FARS2: variants seen among roughly 807,000 people sequenced by gnomAD.
FARS2 encodes phenylalanine--tRNA ligase, mitochondrial.
A neutral mutation model predicts 46.4 loss-of-function variants in FARS2; 40 were observed. The observed-to-expected ratio is 0.86, with a 90% confidence interval of 0.67 to 1.12. The LOEUF (loss-of-function observed/expected upper bound fraction) is 1.12. Among genes scored for constraint, FARS2 ranks in the 50% most tolerant of loss-of-function variants. FARS2 has a pLI of 0.00. For missense variants in FARS2, 513 were observed against 567.9 expected (o/e 0.90, Z 0.98); for synonymous variants, 234 against 214.9 (o/e 1.09, Z -0.78).
intron 1 of FARS2, among the ~76,000 whole-genome samples, chr6:5,323,663 T>C (rs1287354018): frequency 6.6e-6 from 1 of 152,212 alleles, no homozygotes; most frequent in Non-Finnish European, 1.5e-5. Context: ...GCGGAAGGAC[T>C]CATTCCTGCT....
At chr6:5,336,658 A>G (rs569729553) in intron 1 of FARS2, among the ~76,000 whole-genome samples, 1 of 152,268 alleles carries the variant, frequency 6.6e-6, no homozygotes, top group South Asian at 2.1e-4. Flanking sequence ...AAACAATCCA[A>G]TTACACCCTT....
intron 3 of FARS2, among the ~76,000 whole-genome samples, chr6:5,429,687 T>G (rs1763053026): frequency 6.6e-6 from 1 of 152,048 alleles, no homozygotes; most frequent in African/African-American, 2.4e-5. Flanking sequence ...GACGCGTGCT[T>G]GTAGTCCCAG....
chr6:5,673,443 G>A (rs1778585445), intron 6 of FARS2, among the ~76,000 whole-genome samples: 1 of 152,192 alleles, frequency 6.6e-6, no homozygotes, highest in African/African-American at 2.4e-5. Context: ...CCATCCTGGT[G>A]CAAGTATCTG....
rs374689176 is a variant in FARS2, at chr6:5,750,996, C to T, written c.1218-20295C>T. 4.6e-5 allele frequency among the ~76,000 whole-genome samples: 7 copies of T among 152,028 alleles called. No homozygotes were observed. In the East Asian group the frequency reaches 9.7e-4, roughly 21 times the overall value. ...CATTTTCCCATGCTAAGGTGAACTT[C>T]GTAAATATAATAAGTTAGGCGGGTT... is the stretch of plus-strand genomic sequence containing the variant. On this transcript the variant is annotated intron_variant, in intron 6 of 6. Coordinates refer to ENST00000274680, the MANE Select transcript of FARS2 (RefSeq NM_006567.5).
At chr6:5,439,555 T>C (rs908816377) in intron 4 of FARS2, among the ~76,000 whole-genome samples, 1 of 152,352 alleles carries the variant, frequency 6.6e-6, no homozygotes, top group African/African-American at 2.4e-5. Context: ...CTCTGTTAGT[T>C]GTTTAGAGAT....
chr6:5,665,805 G>A (rs1778085399), intron 6 of FARS2, among the ~76,000 whole-genome samples: 1 of 152,182 alleles, frequency 6.6e-6, no homozygotes, highest in East Asian at 1.9e-4. Flanking sequence ...ACCCTGGAAG[G>A]ACTCAAATTG....
At chr6:5,541,914 G>T (rs902823468) in intron 4 of FARS2, among the ~76,000 whole-genome samples, 1 of 152,020 alleles carries the variant, frequency 6.6e-6, no homozygotes, top group Non-Finnish European at 1.5e-5. Flanking sequence ...AGAAGTGAGG[G>T]TTCCTCCCCC....
At chr6:5,737,488 G>A (rs966246755) in intron 6 of FARS2, among the ~76,000 whole-genome samples, 2 of 152,236 alleles carry the variant, frequency 1.3e-5, no homozygotes, top group East Asian at 1.9e-4. Context: ...CCAAGATTGT[G>A]CCACTGCAGT....
intron 6 of FARS2, among the ~76,000 whole-genome samples, chr6:5,724,189 G>C (rs979487265): frequency 6.6e-6 from 1 of 152,252 alleles, no homozygotes; most frequent in African/African-American, 2.4e-5. Context: ...TCCTAAGGAA[G>C]GGTTGGCACA....
At chr6:5,319,998 C>G (rs1241099271) in intron 1 of FARS2, among the ~76,000 whole-genome samples, 2 of 152,156 alleles carry the variant, frequency 1.3e-5, no homozygotes, top group Admixed American at 1.3e-4. Flanking sequence ...GGGAAAGAAA[C>G]AAAAAGCAAG....
chr6:5,286,426 C>T (rs1428385540), intron 1 of FARS2, among the ~76,000 whole-genome samples: 1 of 152,110 alleles, frequency 6.6e-6, no homozygotes, highest in Non-Finnish European at 1.5e-5. Context: ...CCATGCCCGG[C>T]TAATTTTTGT....
At chr6:5,545,852 G>T (rs984238158) in intron 5 of FARS2, among the ~76,000 whole-genome samples, 1 of 152,176 alleles carries the variant, frequency 6.6e-6, no homozygotes, top group Middle Eastern at 3.2e-3. Context: ...TTCTGGCCAG[G>T]CATGGTGGCT....
chr6:5,445,979 C>G (rs1384013144), intron 4 of FARS2, among the ~76,000 whole-genome samples: 1 of 152,156 alleles, frequency 6.6e-6, no homozygotes, highest in Non-Finnish European at 1.5e-5. Context: ...GCAGGCAGAT[C>G]ACGAGGTCAG....
chr6:5,586,234 G>C (rs946438128), intron 5 of FARS2, among the ~76,000 whole-genome samples: 2 of 152,070 alleles, frequency 1.3e-5, no homozygotes, highest in African/African-American at 4.8e-5. Flanking sequence ...GCTCTGGCTA[G>C]CACCTCTAGT....
chr6:5,649,033 A>G (rs4960121), intron 6 of FARS2, among the ~76,000 whole-genome samples: 107,913 of 152,152 alleles, frequency 0.71, 39,245 homozygotes, highest in East Asian at 0.98. Context: ...TCATTATTCT[A>G]TTTTGACAGA....
intron 3 of FARS2, among the ~76,000 whole-genome samples, chr6:5,429,686 T>C (rs1444389954): frequency 2.0e-5 from 3 of 152,126 alleles, no homozygotes; most frequent in Non-Finnish European, 4.4e-5. Context: ...TGACGCGTGC[T>C]TGTAGTCCCA....
intron 6 of FARS2, among the ~76,000 whole-genome samples, chr6:5,767,944 A>G (rs1287983179): frequency 6.6e-6 from 1 of 152,124 alleles, no homozygotes; most frequent in East Asian, 1.9e-4. Flanking sequence ...TTGAGGAATC[A>G]ATTTTCTTAT....
intron 4 of FARS2, among the ~76,000 whole-genome samples, chr6:5,433,086 A>C (rs1355889735): frequency 1.3e-5 from 2 of 152,178 alleles, no homozygotes; most frequent in Non-Finnish European, 2.9e-5. Context: ...GAGAGGGAGC[A>C]CAGAGGTTGA....
At chr6:5,571,980 T>G (rs1300001695) in intron 5 of FARS2, among the ~76,000 whole-genome samples, 1 of 152,206 alleles carries the variant, frequency 6.6e-6, no homozygotes. Flanking sequence ...TCCCTCATCC[T>G]TTAATTTCTG....
Sources: allele counts gnomAD v4.1 joint callset (sites outside exome capture counted in the v4.1 genomes callset), GRCh38; gene constraint gnomAD v4.1.1; transcripts MANE v1.5; gene names NCBI Gene and HGNC (gene_info 2026-07-23, HGNC 2026-07-21).